The following MACF1 variants were observed in gnomAD, a reference collection of about 807,000 sequenced individuals.
The protein encoded by MACF1 is microtubule-actin cross-linking factor 1.
MACF1 carries 193 observed loss-of-function variants against 854.8 expected under a neutral mutation model. The observed-to-expected ratio is 0.23, with a 90% CI of 0.20 to 0.25. The LOEUF is 0.25. Among genes scored for constraint, MACF1 ranks in the 10% least tolerant of loss-of-function variants. The pLI, the probability that MACF1 is intolerant of heterozygous loss-of-function variation, is 1.00. For missense variants in MACF1, 7,722 were observed against 8,929.1 expected (o/e 0.86, Z 5.45); for synonymous variants, 3,185 against 3,226.7 (o/e 0.99, Z 0.44).
In MACF1 at chr1:39,389,361, T is replaced by TG. The variant is rs1378413304; in HGVS notation, c.15816+703_15816+704insG. ...CTCTGGTTTTTGTGTGTTTTTTTTT[T>TG]TTTTTTTTTTTTTTTGGAGACAGAG... On this transcript the variant is annotated intron_variant, in intron 58 of 100. Transcript: ENST00000564288. 2.4e-5 allele frequency among the ~76,000 whole-genome samples: 3 copies of TG among 124,902 alleles called. No homozygotes were observed. The East Asian group carries it at 7.1e-4, about 30-fold the overall frequency. The allele number at this position is 124,902 out of a possible 152,430, so 81.9% of individuals were successfully genotyped here. A position where few individuals can be genotyped will look rare whatever the true frequency, so the allele number is the denominator to read the frequency against.
intron 58 of MACF1, chr1:39,413,818 T>C (rs1221483462): frequency 6.3e-6 from 10 of 1,591,954 alleles, no homozygotes; most frequent in African/African-American, 1.4e-5. Flanking sequence ...ATCTGCCTCC[T>C]TTGCAGCTGT....
At chr1:39,100,260 G>A (rs912823146) in intron 2 of MACF1, among the ~76,000 whole-genome samples, 1 of 152,084 alleles carries the variant, frequency 6.6e-6, no homozygotes, top group Non-Finnish European at 1.5e-5. Context: ...AAAATTTCAC[G>A]TCATTTGGGG....
At chr1:39,173,693 G>A (rs1016272937) in intron 2 of MACF1, among the ~76,000 whole-genome samples, 2 of 152,198 alleles carry the variant, frequency 1.3e-5, no homozygotes, top group Non-Finnish European at 2.9e-5. Context: ...GTTAACTGAA[G>A]GTCCAGAGTT....
chr1:39,441,466 A>G (rs750806326), intron 74 of MACF1, 141 bp downstream of exon 74: 1 of 655,170 alleles, frequency 1.5e-6, no homozygotes, highest in Non-Finnish European at 2.6e-6. Flanking sequence ...AAATTTAGCC[A>G]AAGTTCCCCA....
intron 2 of MACF1, among the ~76,000 whole-genome samples, chr1:39,087,935 G>C (rs931497941): frequency 6.6e-5 from 10 of 151,240 alleles, no homozygotes; most frequent in African/African-American, 2.4e-4. Flanking sequence ...ACCATGCCCA[G>C]CTAATTTTTG....
chr1:39,423,566 C>T (rs1022547301), intron 60 of MACF1, among the ~76,000 whole-genome samples: 24 of 142,560 alleles, frequency 1.7e-4, no homozygotes, highest in African/African-American at 5.0e-4. Flanking sequence ...ACCTGGGAGG[C>T]GGAGCTTGCA....
chr1:39,302,816 TTA>T (rs1646077173), intron 22 of MACF1, 106 bp from the exon 23 acceptor site: 3 of 1,093,438 alleles, frequency 2.7e-6, no homozygotes, highest in Non-Finnish European at 3.9e-6. Context: ...AGATCTTTTC[TTA>T]AGCAGATTTT....
chr1:39,148,625 G>A (rs1358630052), intron 2 of MACF1, among the ~76,000 whole-genome samples: 1 of 152,096 alleles, frequency 6.6e-6, no homozygotes, highest in Non-Finnish European at 1.5e-5. Flanking sequence ...ATATGTATCA[G>A]CATCATTTAT....
intron 41 of MACF1, among the ~76,000 whole-genome samples, chr1:39,349,124 CCACTAAATTATTAT>C (rs1342619740): frequency 6.6e-6 from 1 of 152,138 alleles, no homozygotes; most frequent in African/African-American, 2.4e-5. Flanking sequence ...TTGATCAGAA[CCACTAAATTATTAT>C]CATCACCATT....
intron 2 of MACF1, among the ~76,000 whole-genome samples, chr1:39,087,114 G>A (rs989025532): frequency 6.6e-6 from 1 of 152,232 alleles, no homozygotes; most frequent in Non-Finnish European, 1.5e-5. Flanking sequence ...CTCCTTCACA[G>A]GAGGTGCAGG....
intron 52 of MACF1, among the ~76,000 whole-genome samples, chr1:39,375,005 G>A (rs568793324): frequency 4.7e-5 from 7 of 150,034 alleles, no homozygotes; most frequent in African/African-American, 1.8e-4. Flanking sequence ...AGCTACTCGG[G>A]AGGCTGAGGC....
At chr1:39,386,037 G>C in intron 57 of MACF1, 108 bp downstream of exon 57, 16 of 1,280,214 alleles carry the variant, frequency 1.2e-5, no homozygotes, top group Non-Finnish European at 1.7e-5. Flanking sequence ...GTAATTTGTA[G>C]ACTCAGAATG....
rs750519919 is a variant in MACF1 at position 39,429,849 on chromosome 1, G to A, written c.16911G>A (p.Gln5637=). 1 of 1,614,034 alleles carries A rather than the reference G, an allele frequency of 6.2e-7. No individual in the cohort carries two copies. Among genetic ancestry groups the A allele is most frequent in the South Asian group, 1.1e-5 (1 of 91,082 alleles). ...QTTGEEVLLI[Q]EKLDGIKTRY... ...TAGGTGAGGAGGTGTTACTTATCCAGGAAAAACTAGATGGTATAAAGACTC... is the reference window on the plus strand; with the variant it reads ...TAGGTGAGGAGGTGTTACTTATCCAAGAAAAACTAGATGGTATAAAGACTC... Residue 5637 remains glutamine, a synonymous_variant, in exon 65 of 101, where the codon CAG becomes CAA. Transcript: ENST00000564288.
intron 49 of MACF1, among the ~76,000 whole-genome samples, chr1:39,366,943 CTTTTT>C (rs138556133): frequency 1.1e-5 from 1 of 93,020 alleles, no homozygotes. Flanking sequence ...CATGCCTGGC[CTTTTT>C]TTTTTTTTTT....
At chr1:39,276,204 G>A (rs1038199637) in intron 6 of MACF1, among the ~76,000 whole-genome samples, 5 of 152,094 alleles carry the variant, frequency 3.3e-5, no homozygotes, top group African/African-American at 1.2e-4. Context: ...ACAGGAGTGA[G>A]CCACTGCACC....
chr1:39,187,247 C>A (rs1213889798), intron 2 of MACF1, among the ~76,000 whole-genome samples: 1 of 152,072 alleles, frequency 6.6e-6, no homozygotes, highest in African/African-American at 2.4e-5. Context: ...TTAATAATTG[C>A]CATATTTTGT....
Position 39,422,720 on chromosome 1 carries a change from C to T in MACF1, c.15979-10C>T. ...CGTTCTCATAATGAACCTACATGTT[C>T]ATGATACAGGTCGCACAAAGAATTG... On this transcript the variant is annotated splice_polypyrimidine_tract_variant and intron_variant, in intron 59 of 100. Coordinates refer to ENST00000564288, the MANE Select transcript of MACF1 (RefSeq NM_001394062.1). 1 of 1,612,850 alleles carries T rather than the reference C, an allele frequency of 6.2e-7. No individual in the cohort carries two copies. Among genetic ancestry groups the T allele is most frequent in the South Asian group, 1.1e-5 (1 of 91,024 alleles).
At chr1:39,377,596 TTC>T (rs1191951460) in intron 52 of MACF1, among the ~76,000 whole-genome samples, 1 of 152,042 alleles carries the variant, frequency 6.6e-6, no homozygotes, top group African/African-American at 2.4e-5. Context: ...CACTTAGGAT[TTC>T]TGTTTTTTCT....
At chr1:39,088,340 T>C (rs763953749) in intron 2 of MACF1, among the ~76,000 whole-genome samples, 10 of 151,812 alleles carry the variant, frequency 6.6e-5, no homozygotes, top group Non-Finnish European at 1.5e-4. Context: ...CCGCTTGCCT[T>C]GGCCTTCCAA....
Sources: gnomAD v4.1 joint callset for allele counts (sites outside exome capture counted in the v4.1 genomes callset) on GRCh38, gnomAD v4.1.1 for gene constraint, MANE v1.5 for transcripts, NCBI Gene and HGNC (gene_info 2026-07-23, HGNC 2026-07-21) for gene names.